The following IHO1 variants were observed in gnomAD, a reference collection of about 807,000 sequenced individuals.
The protein encoded by IHO1 is interactor of HORMAD1 protein 1.
Under a neutral mutation model 31.0 loss-of-function variants are expected in IHO1, and 13 were observed. The observed-to-expected ratio is 0.42, with a 90% CI of 0.27 to 0.67. IHO1 has a LOEUF of 0.67. IHO1 is among the 30% of genes least tolerant of loss of function. The pLI is 0.24. For synonymous variants in IHO1, 221 were observed against 248.4 expected (o/e 0.89, Z 1.04); for missense variants, 599 against 687.5 (o/e 0.87, Z 1.44).
At chr3:49,242,822 AAAC>A (rs951246417) in intron 4 of IHO1, among the ~76,000 whole-genome samples, 9 of 152,220 alleles carry the variant, frequency 5.9e-5, no homozygotes, top group South Asian at 2.1e-4. Flanking sequence ...ACAAGCAAAA[AAAC>A]AACAACAACA....
Position 49,216,487 on chromosome 3 carries a change from G to A in IHO1, c.56+4651G>A, listed in dbSNP as rs1031026663. Among the ~76,000 whole-genome samples, 80 of 152,188 alleles carry A rather than the reference G, an allele frequency of 5.3e-4. 1 individual carries two copies. Among genetic ancestry groups the A allele is most frequent in the Non-Finnish European group, 2.2e-4 (15 of 68,004 alleles). ...TGGGCTCCTGTAATCCCAGCTACCC[G>A]GGAGGCTGAGGGACGAGAATTGCTT... On this transcript the variant is annotated intron_variant, in intron 2 of 7. Coordinates refer to ENST00000452691, the MANE Select transcript of IHO1 (RefSeq NM_001135197.2).
chr3:49,248,718 ACT>A (rs1240059715), intron 6 of IHO1, among the ~76,000 whole-genome samples: 1 of 152,110 alleles, frequency 6.6e-6, no homozygotes, highest in Non-Finnish European at 1.5e-5. Context: ...CAAGAGCGAA[ACT>A]CTGTCTCAAA....
rs1045452346 is a variant in IHO1, at chr3:49,230,128, A to G, written c.57-6420A>G. Among the ~76,000 whole-genome samples the G allele has an allele frequency of 2.0e-5, 3 of 152,242 alleles. No homozygotes were observed. In the East Asian group the frequency reaches 5.8e-4, roughly 29 times the overall value. Reference sequence around the variant, plus strand: ...CAGATAAGCCAATTTTGATAGAACAATGGCTGCTAAGTAAAGAGAAACTGG... The same window carrying G: ...CAGATAAGCCAATTTTGATAGAACAGTGGCTGCTAAGTAAAGAGAAACTGG... On this transcript the variant is annotated intron_variant, in intron 2 of 7. Transcript: ENST00000452691.
upstream of IHO1, among the ~76,000 whole-genome samples, chr3:49,195,671 G>A (rs918482629): frequency 1.7e-4 from 26 of 151,662 alleles, 1 homozygote; most frequent in Non-Finnish European, 2.9e-5. Context: ...CTGAGATCAC[G>A]CCACTGCACT....
At chr3:49,253,992 C>G (rs2046794597) in intron 6 of IHO1, among the ~76,000 whole-genome samples, 1 of 151,998 alleles carries the variant, frequency 6.6e-6, no homozygotes, top group Non-Finnish European at 1.5e-5. Context: ...CGCCGCCACG[C>G]CTGGCTCATT....
chr3:49,252,468 G>T (rs975536029), intron 6 of IHO1, among the ~76,000 whole-genome samples: 3 of 151,348 alleles, frequency 2.0e-5, no homozygotes, highest in African/African-American at 7.3e-5. Context: ...ATCAAAACTG[G>T]AGTGCAGTGG....
At chr3:49,216,638 A>G (rs1458116822) in intron 2 of IHO1, among the ~76,000 whole-genome samples, 1 of 152,226 alleles carries the variant, frequency 6.6e-6, no homozygotes, top group African/African-American at 2.4e-5. Context: ...GCCAAAATAG[A>G]CAAATGGGAT....
At chr3:49,229,358 T>C in intron 2 of IHO1, among the ~76,000 whole-genome samples, 1 of 152,212 alleles carries the variant, frequency 6.6e-6, no homozygotes, top group African/African-American at 2.4e-5. Context: ...TAGGATTACT[T>C]CCAGGTAGAT....
At chr3:49,214,632 A>ATATATATATATATATAT (rs1553616616) in intron 2 of IHO1, among the ~76,000 whole-genome samples, 1 of 5,188 alleles carries the variant, frequency 1.9e-4, no homozygotes, top group Non-Finnish European at 3.2e-4. Context: ...ATATATATAT[A>ATATATATATATATATAT]TTTTTTTTTT....
chr3:49,253,868 C>G (rs2046793149), intron 6 of IHO1, among the ~76,000 whole-genome samples: 1 of 116,230 alleles, frequency 8.6e-6, no homozygotes, highest in African/African-American at 3.4e-5. Flanking sequence ...AAGTCTCGCT[C>G]TGTCACCCAG....
intron 2 of IHO1, among the ~76,000 whole-genome samples, chr3:49,235,192 T>C (rs2046542267): frequency 6.6e-6 from 1 of 151,584 alleles, no homozygotes; most frequent in African/African-American, 2.4e-5. Flanking sequence ...AAACTATGTT[T>C]TTGAGAAGTC....
At chr3:49,199,829 C>T (rs1448626430) in intron 1 of IHO1, 1 of 152,302 alleles carries the variant, frequency 6.6e-6, no homozygotes, top group African/African-American at 2.4e-5. Flanking sequence ...TCCGCGACCT[C>T]CTATCCCAGA....
intron 2 of IHO1, among the ~76,000 whole-genome samples, chr3:49,229,401 A>T (rs2046456173): frequency 6.6e-6 from 1 of 152,236 alleles, no homozygotes. Context: ...GCAAGTACAA[A>T]CAGGAGTCAT....
intron 2 of IHO1, among the ~76,000 whole-genome samples, chr3:49,221,437 C>G (rs1222894758): frequency 6.6e-6 from 1 of 152,200 alleles, no homozygotes; most frequent in Non-Finnish European, 1.5e-5. Context: ...GGTGCAGTTA[C>G]AATCCTCTAG....
At position 49,257,231 on chromosome 3, in the gene IHO1, G is replaced by T. The variant is rs1269624970; in HGVS notation, c.1734G>T (p.Lys578Asn). The T allele has an allele frequency of 7.4e-6, 12 of 1,614,074 alleles. No individual in the cohort carries two copies. Among genetic ancestry groups the T allele is most frequent in the Non-Finnish European group, 9.3e-6 (11 of 1,180,030 alleles). Residue 578 changes from lysine (K) to asparagine (N), a missense_variant, in exon 8 of 8, where the codon AAG becomes AAT. Coordinates refer to ENST00000452691, the MANE Select transcript of IHO1 (RefSeq NM_001135197.2). Reference sequence around the variant, plus strand: ...CCCCTCTATGCAAGGAGGCAGGAAAGAATTTGCTCTATGACCTGGGTTTTG... The same window carrying T: ...CCCCTCTATGCAAGGAGGCAGGAAATAATTTGCTCTATGACCTGGGTTTTG... Reference protein sequence around the residue: ...SETPLCKEAGKNLLYDLGFDS... With the variant: ...SETPLCKEAGNNLLYDLGFDS...
At chr3:49,200,260 C>G (rs2046035837) in intron 1 of IHO1, among the ~76,000 whole-genome samples, 1 of 151,798 alleles carries the variant, frequency 6.6e-6, no homozygotes, top group African/African-American at 2.4e-5. Flanking sequence ...AGGTCAGGAG[C>G]TCGAGACCAG....
chr3:49,255,295 T>G lies in IHO1; in HGVS notation c.533-95T>G, dbSNP rs994521521. Reference sequence around the variant, plus strand: ...GGAACCACTCCGGTCTGCATCCAGCTCCTCCCTTTTCACTGCTGTGGTTCT... The same window carrying G: ...GGAACCACTCCGGTCTGCATCCAGCGCCTCCCTTTTCACTGCTGTGGTTCT... On this transcript the variant is annotated intron_variant, in intron 6 of 7. Transcript: ENST00000452691. The G allele has an allele frequency of 3.7e-6, 3 of 810,556 alleles. No homozygotes were observed. The African/African-American group carries it at 5.4e-5, about 15-fold the overall frequency. The allele number at this position is 810,556 out of a possible 1,614,324, so 50.2% of individuals were successfully genotyped here.
intron 3 of IHO1, among the ~76,000 whole-genome samples, chr3:49,240,506 G>A (rs1417947957): frequency 9.2e-5 from 14 of 152,204 alleles, no homozygotes; most frequent in Non-Finnish European, 1.9e-4. Context: ...TTACAGGCAT[G>A]AGCCACCACA....
At chr3:49,226,940 G>A (rs1402136231) in intron 2 of IHO1, among the ~76,000 whole-genome samples, 1 of 152,072 alleles carries the variant, frequency 6.6e-6, no homozygotes, top group Non-Finnish European at 1.5e-5. Context: ...GATAACCTGG[G>A]GGTTTTTGTG....
Sources: gnomAD v4.1 joint callset for allele counts (sites outside exome capture counted in the v4.1 genomes callset) on GRCh38, gnomAD v4.1.1 for gene constraint, MANE v1.5 for transcripts, NCBI Gene and HGNC (gene_info 2026-07-23, HGNC 2026-07-21) for gene names.